The following TEAD1 variants were observed in gnomAD, a reference collection of about 807,000 sequenced individuals.
TEAD1 encodes the protein transcriptional enhancer factor TEF-1.
Under a neutral mutation model 54.9 loss-of-function variants are expected in TEAD1, and 9 were observed. That is an observed-to-expected ratio of 0.16 (90% CI 0.10 to 0.29). TEAD1 has a LOEUF of 0.29. Ranked by LOEUF, TEAD1 falls within the 10% of genes least tolerant of loss-of-function variation. TEAD1 has a pLI of 1.00. For synonymous variants in TEAD1, 200 were observed against 187.8 expected (o/e 1.07, Z -0.53); for missense variants, 387 against 535.9 (o/e 0.72, Z 2.74).
chr11:12,744,939 T>G (rs1944716926), intron 2 of TEAD1, among the ~76,000 whole-genome samples: 1 of 152,156 alleles, frequency 6.6e-6, no homozygotes. Context: ...CTACTTGGCT[T>G]CTTATTAATG....
At chr11:12,734,915 C>A (rs1460382666) in intron 2 of TEAD1, among the ~76,000 whole-genome samples, 2 of 152,154 alleles carry the variant, frequency 1.3e-5, no homozygotes, top group Non-Finnish European at 2.9e-5. Flanking sequence ...ACTGCATATA[C>A]TGAAACACAC....
chr11:12,701,119 C>T (rs1409234966), intron 2 of TEAD1, among the ~76,000 whole-genome samples: 2 of 152,074 alleles, frequency 1.3e-5, no homozygotes, highest in African/African-American at 2.4e-5. Context: ...TTTGTAAGAC[C>T]GTTGTGTTTT....
At chr11:12,935,705 G>C (rs1403581906) in intron 12 of TEAD1, among the ~76,000 whole-genome samples, 1 of 152,056 alleles carries the variant, frequency 6.6e-6, no homozygotes, top group Admixed American at 6.6e-5. Flanking sequence ...TGATCCACCT[G>C]CATTGGCCTC....
At chr11:12,928,982 G>T (rs1948957318) in intron 11 of TEAD1, among the ~76,000 whole-genome samples, 1 of 97,894 alleles carries the variant, frequency 1.0e-5, no homozygotes, top group Non-Finnish European at 2.2e-5. Flanking sequence ...TCCTAACTGA[G>T]ATTTTATATC....
At chr11:12,850,503 A>G (rs577583255) in intron 3 of TEAD1, among the ~76,000 whole-genome samples, 8 of 152,296 alleles carry the variant, frequency 5.3e-5, no homozygotes, top group African/African-American at 1.9e-4. Context: ...TCTGTTACTA[A>G]TGCATACAGC....
chr11:12,797,674 A>G (rs1395041838), intron 3 of TEAD1, among the ~76,000 whole-genome samples: 8 of 151,110 alleles, frequency 5.3e-5, no homozygotes, highest in Admixed American at 5.3e-4. Flanking sequence ...CACTCTGCCA[A>G]TTTTACTGTC....
intron 2 of TEAD1, among the ~76,000 whole-genome samples, chr11:12,730,545 T>G (rs548582607): frequency 6.6e-6 from 1 of 150,656 alleles, no homozygotes; most frequent in South Asian, 2.1e-4. Flanking sequence ...AATAGAGGTG[T>G]TGTGGTTTCT....
chr11:12,678,283 AC>A (rs1943139995), intron 2 of TEAD1, among the ~76,000 whole-genome samples: 2 of 152,180 alleles, frequency 1.3e-5, no homozygotes, highest in African/African-American at 4.8e-5. Flanking sequence ...GGAACTGCAA[AC>A]TGCTAATGTC....
intron 2 of TEAD1, among the ~76,000 whole-genome samples, chr11:12,688,138 G>A (rs563066695): frequency 6.6e-6 from 1 of 152,266 alleles, no homozygotes; most frequent in Non-Finnish European, 1.5e-5. Context: ...GAGTGCTTGG[G>A]AACCTGCTGA....
At chr11:12,842,933 C>CT (rs2134037077) in intron 3 of TEAD1, among the ~76,000 whole-genome samples, 1 of 152,204 alleles carries the variant, frequency 6.6e-6, no homozygotes, top group African/African-American at 2.4e-5. Context: ...CAGTGAGATA[C>CT]TTTAAGAACA....
intron 11 of TEAD1, among the ~76,000 whole-genome samples, chr11:12,925,848 A>G (rs1195536003): frequency 6.6e-6 from 1 of 152,320 alleles, no homozygotes; most frequent in East Asian, 1.9e-4. Context: ...CTCTGAAACC[A>G]TGATACCTTG....
chr11:12,807,180 T>G (rs1946191690), intron 3 of TEAD1, among the ~76,000 whole-genome samples: 2 of 152,230 alleles, frequency 1.3e-5, no homozygotes, highest in Admixed American at 1.3e-4. Flanking sequence ...TTTGTGTGCA[T>G]AGTTGAGTTT....
At position 12,748,305 on chromosome 11, in the gene TEAD1, G is replaced by C. The variant is rs113800902; in HGVS notation, c.-54-15874G>C. On this transcript the variant is annotated intron_variant, in intron 2 of 12. Transcript: ENST00000527636. The stretch of plus-strand genomic sequence containing the variant: ...GAAATACCTACCAAGGACAATATCA[G>C]CAAAAGTTTTTTGAGTTCCAACAAT... 2.3e-3 allele frequency among the ~76,000 whole-genome samples: 350 copies of C among 152,318 alleles called. 1 individual carries two copies. The highest frequency in any genetic ancestry group is 7.6e-3 in the African/African-American group (315 of 41,570).
chr11:12,753,825 G>A (rs1339926437), intron 2 of TEAD1, among the ~76,000 whole-genome samples: 1 of 152,168 alleles, frequency 6.6e-6, no homozygotes, highest in East Asian at 1.9e-4. Flanking sequence ...TTATGGCCAT[G>A]TAGGTAATCT....
chr11:12,746,455 C>T (rs115109148), intron 2 of TEAD1, among the ~76,000 whole-genome samples: 266 of 152,170 alleles, frequency 1.7e-3, no homozygotes, highest in African/African-American at 6.1e-3. Flanking sequence ...ACTTCATCCC[C>T]GTCTTGTCCT....
intron 2 of TEAD1, among the ~76,000 whole-genome samples, chr11:12,760,482 C>T (rs1338987551): frequency 6.6e-6 from 1 of 152,180 alleles, no homozygotes; most frequent in Non-Finnish European, 1.5e-5. Context: ...CCCTTCCTCT[C>T]CTACCTCTTG....
intron 10 of TEAD1, among the ~76,000 whole-genome samples, chr11:12,905,240 T>G (rs1044760808): frequency 2.6e-5 from 4 of 152,220 alleles, no homozygotes; most frequent in Non-Finnish European, 4.4e-5. Context: ...CAGTGGATGA[T>G]TTTAATAAAT....
At chr11:12,709,878 C>T (rs1943898066) in intron 2 of TEAD1, among the ~76,000 whole-genome samples, 1 of 152,062 alleles carries the variant, frequency 6.6e-6, no homozygotes, top group African/African-American at 2.4e-5. Flanking sequence ...CTTTTTACGT[C>T]TTTTAGTTCT....
At chr11:12,776,600 T>A (rs1204875435) in intron 3 of TEAD1, among the ~76,000 whole-genome samples, 1 of 151,904 alleles carries the variant, frequency 6.6e-6, no homozygotes, top group African/African-American at 2.4e-5. Flanking sequence ...TTAATTATAA[T>A]AAAATAAACT....
Sources: gnomAD v4.1 joint callset for allele counts (sites outside exome capture counted in the v4.1 genomes callset) on GRCh38, gnomAD v4.1.1 for gene constraint, MANE v1.5 for transcripts, NCBI Gene and HGNC (gene_info 2026-07-23, HGNC 2026-07-21) for gene names.